The following TRIO variants were observed in gnomAD, a reference collection of about 807,000 sequenced individuals.
TRIO encodes trio Rho guanine nucleotide exchange factor, also known as triple functional domain protein.
Under a neutral mutation model 351.9 loss-of-function variants are expected in TRIO, and 58 were observed. The ratio of observed to expected loss-of-function variants is 0.16; its 90% CI spans 0.13 to 0.21. TRIO has a LOEUF of 0.21. Ranked by LOEUF, TRIO falls within the 10% of genes least tolerant of loss-of-function variation. The probability of loss-of-function intolerance (pLI) is 1.00; values close to 1 mark genes in which losing one functional copy is unlikely to be tolerated. For synonymous variants in TRIO, 1,758 were observed against 1,595.7 expected, an observed-to-expected ratio of 1.10 and a Z score of -2.42; for missense variants, 3,201 against 4,027.8, an observed-to-expected ratio of 0.79 and a Z score of 5.56.
intron 34 of TRIO, among the ~76,000 whole-genome samples, chr5:14,429,606 ACACCC>A (rs1750926722): frequency 6.6e-6 from 1 of 152,208 alleles, no homozygotes; most frequent in African/African-American, 2.4e-5. Flanking sequence ...ACACGTTCAC[ACACCC>A]CACCCATATG....
chr5:14,465,300 C>T (rs1480975161), intron 36 of TRIO, among the ~76,000 whole-genome samples: 1 of 152,156 alleles, frequency 6.6e-6, no homozygotes, highest in Non-Finnish European at 1.5e-5. Flanking sequence ...TACATGACTG[C>T]GATTCAAATC....
intron 1 of TRIO, among the ~76,000 whole-genome samples, chr5:14,250,162 G>A (rs947657000): frequency 6.6e-6 from 1 of 152,192 alleles, no homozygotes; most frequent in Non-Finnish European, 1.5e-5. Flanking sequence ...TAGCCAGTGA[G>A]CAGTTGCTCC....
chr5:14,310,139 G>A (rs760922919), intron 8 of TRIO, among the ~76,000 whole-genome samples: 2 of 152,214 alleles, frequency 1.3e-5, no homozygotes, highest in Non-Finnish European at 2.9e-5. Context: ...AGAGAGTGAA[G>A]CAGTGTAAAC....
intron 37 of TRIO, among the ~76,000 whole-genome samples, chr5:14,467,535 G>A (rs971414259): frequency 1.7e-4 from 26 of 152,290 alleles, no homozygotes; most frequent in African/African-American, 6.0e-4. Flanking sequence ...TTGGAATCAG[G>A]CCTGGTGTGG....
intron 1 of TRIO, among the ~76,000 whole-genome samples, chr5:14,159,482 G>A (rs1346899564): frequency 6.6e-6 from 1 of 152,016 alleles, no homozygotes; most frequent in Non-Finnish European, 1.5e-5. Context: ...GAAGGGAGAG[G>A]CAACTTTCTG....
At chr5:14,154,294 A>G (rs986773785) in intron 1 of TRIO, among the ~76,000 whole-genome samples, 1 of 152,096 alleles carries the variant, frequency 6.6e-6, no homozygotes, top group Non-Finnish European at 1.5e-5. Flanking sequence ...GACACATTAG[A>G]ACACTACCAG....
intron 8 of TRIO, among the ~76,000 whole-genome samples, chr5:14,311,913 A>G (rs572257862): frequency 4.3e-4 from 65 of 152,296 alleles, no homozygotes; most frequent in African/African-American, 1.5e-3. Context: ...TATCTTGGGA[A>G]TGCCATTTTC....
chr5:14,351,420 C>G (rs1403447418), intron 11 of TRIO, among the ~76,000 whole-genome samples: 4 of 152,248 alleles, frequency 2.6e-5, no homozygotes, highest in African/African-American at 9.6e-5. Flanking sequence ...TTCTGACTTG[C>G]AGCAGCTCTG....
At chr5:14,161,210 A>C (rs1484395695) in intron 1 of TRIO, among the ~76,000 whole-genome samples, 1 of 152,116 alleles carries the variant, frequency 6.6e-6, no homozygotes. Flanking sequence ...TGGCTCAAAC[A>C]CACATTTCTT....
At chr5:14,501,679 C>T (rs1757309163) in intron 53 of TRIO, among the ~76,000 whole-genome samples, 1 of 152,228 alleles carries the variant, frequency 6.6e-6, no homozygotes, top group African/African-American at 2.4e-5. Context: ...AACGCATTCC[C>T]AGTGACAACC....
intron 1 of TRIO, among the ~76,000 whole-genome samples, chr5:14,174,017 G>A (rs1789261164): frequency 6.6e-6 from 1 of 152,244 alleles, no homozygotes; most frequent in Non-Finnish European, 1.5e-5. Flanking sequence ...TTGTAGGAAA[G>A]TAAGACAGAG....
intron 9 of TRIO, among the ~76,000 whole-genome samples, chr5:14,319,954 G>A (rs894300185): frequency 6.6e-6 from 1 of 152,204 alleles, no homozygotes; most frequent in African/African-American, 2.4e-5. Flanking sequence ...CGGGAAAGGT[G>A]GTTGAAGCTG....
chr5:14,372,090 G>A (rs1343806850), intron 18 of TRIO, among the ~76,000 whole-genome samples: 3 of 151,950 alleles, frequency 2.0e-5, no homozygotes, highest in East Asian at 1.9e-4. Flanking sequence ...TACGTTCCTC[G>A]GATTGAGGCA....
chr5:14,288,764 C>G (rs1002206912), intron 4 of TRIO, among the ~76,000 whole-genome samples: 1 of 152,144 alleles, frequency 6.6e-6, no homozygotes, highest in African/African-American at 2.4e-5. Flanking sequence ...TCTACCTCTG[C>G]TGCCTTCTGA....
At chr5:14,393,325 T>C (rs190992956) in intron 27 of TRIO, among the ~76,000 whole-genome samples, 49 of 152,258 alleles carry the variant, frequency 3.2e-4, no homozygotes, top group Admixed American at 2.6e-3. Flanking sequence ...CAAACCACCA[T>C]GGCACATGTA....
intron 41 of TRIO, among the ~76,000 whole-genome samples, chr5:14,478,008 T>C (rs1020948567): frequency 2.0e-5 from 3 of 152,340 alleles, no homozygotes; most frequent in African/African-American, 7.2e-5. Flanking sequence ...ATTTTGTTCA[T>C]GTTCAAGAAA....
intron 38 of TRIO, among the ~76,000 whole-genome samples, chr5:14,471,987 C>T (rs1445956913): frequency 6.6e-6 from 1 of 152,022 alleles, no homozygotes; most frequent in African/African-American, 2.4e-5. Flanking sequence ...ATCCCAGCAC[C>T]TCCGATGGTG....
chr5:14,144,601 C>G (rs1787383602), intron 1 of TRIO, among the ~76,000 whole-genome samples: 1 of 151,888 alleles, frequency 6.6e-6, no homozygotes, highest in African/African-American at 2.4e-5. Context: ...CGGCGCGGGG[C>G]TGGGGCTCGC....
At chr5:14,149,187 C>T (rs956085957) in intron 1 of TRIO, among the ~76,000 whole-genome samples, 3 of 152,130 alleles carry the variant, frequency 2.0e-5, no homozygotes, top group Non-Finnish European at 4.4e-5. Flanking sequence ...CCCCTGTGCC[C>T]GCAGAACAGG....
Sources: gnomAD v4.1 joint callset for allele counts (sites outside exome capture counted in the v4.1 genomes callset) on GRCh38, gnomAD v4.1.1 for gene constraint, MANE v1.5 for transcripts, NCBI Gene and HGNC (gene_info 2026-07-23, HGNC 2026-07-21) for gene names.